Variants in CCDC93 observed in about 807,000 individuals in gnomAD.
CCDC93 encodes the protein CCC complex scaffolding subunit CCDC93.
A neutral mutation model predicts 108.2 loss-of-function variants in CCDC93; 61 were observed. That is an observed-to-expected ratio of 0.56 (90% confidence interval 0.46 to 0.70). The LOEUF (loss-of-function observed/expected upper bound fraction) is 0.70, where lower values mean the gene tolerates loss of function less well. Ranked by LOEUF, CCDC93 falls within the 30% of genes least tolerant of loss-of-function variation. The pLI, the probability that CCDC93 is intolerant of heterozygous loss-of-function variation, is 0.00. For missense variants in CCDC93, 685 were observed against 764.2 expected (o/e 0.90, Z 1.22); for synonymous variants, 276 against 260.4 (o/e 1.06, Z -0.58).
chr2:117,937,003 G>T (rs2303332), intron 20 of CCDC93: 115,025 of 474,986 alleles, frequency 0.24, 15,002 homozygotes, highest in African/African-American at 0.36. Flanking sequence ...AAGGTGCTTT[G>T]AAGGGAACTG....
intron 1 of CCDC93, 101 bp downstream of exon 1, chr2:118,013,853 G>A: frequency 9.7e-7 from 1 of 1,032,994 alleles, no homozygotes; most frequent in Non-Finnish European, 1.4e-6. Context: ...AAGGGGGCGG[G>A]GCGCCCCTAA....
chr2:117,993,811 G>A (rs1680561151), intron 6 of CCDC93, among the ~76,000 whole-genome samples: 1 of 152,200 alleles, frequency 6.6e-6, no homozygotes, highest in African/African-American at 2.4e-5. Flanking sequence ...TTGGCTCACT[G>A]CTACCTCTGC....
intron 20 of CCDC93, among the ~76,000 whole-genome samples, chr2:117,937,149 T>C (rs982870892): frequency 6.6e-6 from 1 of 152,194 alleles, no homozygotes; most frequent in Non-Finnish European, 1.5e-5. Flanking sequence ...GTGTGGAAAG[T>C]GAGAGTCGTT....
chr2:118,009,849 AT>A (rs1371305584), intron 1 of CCDC93, among the ~76,000 whole-genome samples: 3 of 152,190 alleles, frequency 2.0e-5, no homozygotes, highest in Non-Finnish European at 4.4e-5. Flanking sequence ...TTGCCACATA[AT>A]AGGATTGCCT....
At chr2:117,977,873 C>A in intron 8 of CCDC93, 121 bp downstream of exon 8, 2 of 842,562 alleles carry the variant, frequency 2.4e-6, no homozygotes, top group East Asian at 2.6e-5. Flanking sequence ...GGGCCAAAGG[C>A]AGCTCACACA....
Position 117,982,441 on chromosome 2 carries a change from C to A in CCDC93, c.620+3528G>T, listed in dbSNP as rs76277711. 2.0e-5 allele frequency among the ~76,000 whole-genome samples: 3 copies of A among 152,192 alleles called. No homozygotes were observed. In the East Asian group the frequency reaches 5.9e-4, roughly 30 times the overall value. On this transcript the variant is annotated intron_variant, in intron 7 of 23. Transcript: ENST00000376300. ...CACCATTAACACTTAGAAAAATATACCCAAACTATGTTTTTAACAGATAAA... is the reference window on the plus strand; with the variant it reads ...CACCATTAACACTTAGAAAAATATAACCAAACTATGTTTTTAACAGATAAA...
intron 7 of CCDC93, among the ~76,000 whole-genome samples, chr2:117,979,894 A>G (rs1210494990): frequency 6.6e-6 from 1 of 152,216 alleles, no homozygotes; most frequent in African/African-American, 2.4e-5. Context: ...ACGTTCCACC[A>G]ATCAGATGCA....
chr2:117,934,979 C>T (rs1301404950), intron 22 of CCDC93: 1 of 152,244 alleles, frequency 6.6e-6, no homozygotes, highest in Non-Finnish European at 1.5e-5. Context: ...TTCTGAGACT[C>T]AATTTCCTCT....
chr2:117,996,196 G>T, intron 5 of CCDC93, 68 bp downstream of exon 5: 1 of 1,068,612 alleles, frequency 9.4e-7, no homozygotes, highest in South Asian at 1.3e-5. Flanking sequence ...TCTGCTCCTT[G>T]CTAGAGAGTC....
At chr2:117,994,230 C>A (rs556899531) in intron 6 of CCDC93, among the ~76,000 whole-genome samples, 3 of 152,194 alleles carry the variant, frequency 2.0e-5, no homozygotes, top group African/African-American at 7.2e-5. Context: ...AATTCCCCTA[C>A]ATCTATCAAT....
At chr2:117,942,561 C>T (rs72838003) in intron 18 of CCDC93, among the ~76,000 whole-genome samples, 8,087 of 151,984 alleles carry the variant, frequency 0.053, 285 homozygotes, top group Non-Finnish European at 0.083. Context: ...TCTAGTGGCA[C>T]TTCCCCTCCT....
intron 4 of CCDC93, 72 bp downstream of exon 4, chr2:118,000,749 T>A: frequency 1.0e-6 from 1 of 961,064 alleles, no homozygotes; most frequent in Non-Finnish European, 1.7e-6. Flanking sequence ...GACGGACCCA[T>A]TACAGGACAA....
Position 118,000,967 on chromosome 2 carries a change from A to ATAT in CCDC93, c.252-36_252-35insATA, listed in dbSNP as rs754952944. The ATAT allele has an allele frequency of 3.1e-6, 4 of 1,270,640 alleles. No individual in the cohort carries two copies. The Admixed American group carries it at 6.7e-5, about 21-fold the overall frequency. 78.7% of individuals were successfully genotyped at this position (1,270,640 alleles called of 1,614,324 possible). A position where few individuals can be genotyped will look rare whatever the true frequency, so the allele number is the denominator to read the frequency against. ...AAAAGTAACAAGCAAAGAGTGAGGC[A>ATAT]TACTAAGTAGCCTTTATGGCATCTC... On this transcript the variant is annotated intron_variant, in intron 3 of 23. Coordinates refer to ENST00000376300, the MANE Select transcript of CCDC93 (RefSeq NM_019044.5).
chr2:117,932,063 AG>A, intron 22 of CCDC93, among the ~76,000 whole-genome samples: 1 of 152,000 alleles, frequency 6.6e-6, no homozygotes, highest in African/African-American at 2.4e-5. Context: ...GACGGAGAGG[AG>A]GGTGGGTGCA....
At chr2:117,987,843 A>G (rs1185858177) in intron 6 of CCDC93, among the ~76,000 whole-genome samples, 1 of 152,202 alleles carries the variant, frequency 6.6e-6, no homozygotes, top group Non-Finnish European at 1.5e-5. Context: ...TGTAATAGTT[A>G]TCACTTATTG....
At chr2:117,938,159 A>T (rs1678581034) in intron 20 of CCDC93, among the ~76,000 whole-genome samples, 1 of 152,216 alleles carries the variant, frequency 6.6e-6, no homozygotes, top group Non-Finnish European at 1.5e-5. Context: ...TCCGCATTAT[A>T]ATCATCATCA....
At chr2:117,989,399 C>G (rs1680411823) in intron 6 of CCDC93, among the ~76,000 whole-genome samples, 1 of 152,138 alleles carries the variant, frequency 6.6e-6, no homozygotes, top group Non-Finnish European at 1.5e-5. Flanking sequence ...GTATAAGGGA[C>G]TCCTCTACCC....
intron 7 of CCDC93, 99 bp from the exon 8 acceptor site, chr2:117,978,129 A>G (rs933295648): frequency 8.5e-6 from 9 of 1,052,644 alleles, no homozygotes; most frequent in Non-Finnish European, 1.3e-5. Flanking sequence ...AAACATCAAG[A>G]GAATTTATGC....
intron 13 of CCDC93, chr2:117,951,186 G>A: frequency 1.0e-6 from 1 of 985,306 alleles, no homozygotes; most frequent in Non-Finnish European, 1.2e-6. Context: ...TCCACGAATT[G>A]GCAAACTTCA....
Sources: allele counts gnomAD v4.1 joint callset (sites outside exome capture counted in the v4.1 genomes callset), GRCh38; gene constraint gnomAD v4.1.1; transcripts MANE v1.5; gene names NCBI Gene and HGNC (gene_info 2026-07-23, HGNC 2026-07-21).